SHANK1: variants seen among roughly 807,000 people sequenced by gnomAD.
SHANK1 encodes SH3 and multiple ankyrin repeat domains 1.
A neutral mutation model predicts 165.6 loss-of-function variants in SHANK1; 35 were observed. That is an observed-to-expected ratio of 0.21 (90% CI 0.16 to 0.28). The LOEUF (loss-of-function observed/expected upper bound fraction) is 0.28. Among genes scored for constraint, SHANK1 ranks in the 10% least tolerant of loss-of-function variants. SHANK1 has a pLI of 1.00. For synonymous variants in SHANK1, 1,428 were observed against 1,384.8 expected, an observed-to-expected ratio of 1.03 and a Z score of -0.69; for missense variants, 2,681 against 3,036.4, an observed-to-expected ratio of 0.88 and a Z score of 2.75.
intron 21 of SHANK1, among the ~76,000 whole-genome samples, chr19:50,681,262 T>C (rs1029434832): frequency 6.6e-6 from 1 of 151,624 alleles, no homozygotes; most frequent in Admixed American, 6.6e-5. Flanking sequence ...GCCTCCGACA[T>C]GAGAGGGGGA....
rs531041397 is a variant in SHANK1, at chr19:50,716,143, G to T, written c.459+132C>A. ...CAGGACTCTCTGACTTCCCTGTGAT[G>T]CTTAGAAGGTCTGGACTCGCACACT... is the stretch of plus-strand genomic sequence containing the variant. On this transcript the variant is annotated intron_variant, in intron 3 of 23. Coordinates refer to ENST00000293441, the MANE Select transcript of SHANK1 (RefSeq NM_016148.5). The surrounding 1 kb of genome is among the most constrained non-coding windows in gnomAD (Gnocchi z 8.4). The T allele has an allele frequency of 2.4e-6, 2 of 818,202 alleles. No individual in the cohort carries two copies. Among genetic ancestry groups the T allele is most frequent in the African/African-American group, 3.4e-5 (2 of 58,854 alleles). The allele number at this position is 818,202 out of a possible 1,614,324, so 50.7% of individuals were successfully genotyped here. A position where few individuals can be genotyped will look rare whatever the true frequency, so the allele number is the denominator to read the frequency against.
rs144313163 is a variant in SHANK1, at chr19:50,704,874, C to T, written c.1078-360G>A. The stretch of plus-strand genomic sequence containing the variant: ...GACCAGCCTGGGTGACATAGTGAGA[C>T]GCCCCCCGTCTCTACAAAAAAATAA... On this transcript the variant is annotated intron_variant, in intron 8 of 23. Coordinates refer to ENST00000293441, the MANE Select transcript of SHANK1 (RefSeq NM_016148.5). Among the ~76,000 whole-genome samples the T allele has an allele frequency of 9.2e-5, 14 of 151,730 alleles. 1 individual carries two copies. Among genetic ancestry groups the T allele is most frequent in the Middle Eastern group, 3.5e-3 (1 of 288 alleles).
chr19:50,669,018 C>T lies in SHANK1; in HGVS notation c.2942G>A (p.Gly981Glu). ...GTGGTACAGGCTCTTCTCGCGGCTC[C>T]CCACGCGAGTGTCGGGAGGGGAGGG... ...DGPSPPDTRV[G>E]SREKSLYHSG... Residue 981 changes from glycine (G) to glutamate (E), a missense_variant, in exon 23 of 24, where the codon GGG (glycine) becomes GAG (glutamate). Gly to Glu is a moderately conservative substitution (Grantham distance 98, BLOSUM62 -2). Around this residue, in one of 10 missense-constraint regions of SHANK1, gnomAD observed 1,713 missense variants for 1,630.2 expected, o/e 1.05. Coordinates refer to ENST00000293441, the MANE Select transcript of SHANK1 (RefSeq NM_016148.5). The T allele has an allele frequency of 2.4e-6, 2 of 850,052 alleles. No homozygotes were observed. Among genetic ancestry groups the T allele is most frequent in the South Asian group, 1.8e-5 (1 of 56,166 alleles). 52.7% of individuals were successfully genotyped at this position (850,052 alleles called of 1,614,324 possible). A position where few individuals can be genotyped will look rare whatever the true frequency, so the allele number is the denominator to read the frequency against.
At chr19:50,680,278 G>C (rs1383067032) in intron 21 of SHANK1, among the ~76,000 whole-genome samples, 3 of 152,100 alleles carry the variant, frequency 2.0e-5, no homozygotes, top group Non-Finnish European at 4.4e-5. Context: ...TGGGAAGCAG[G>C]AAGAGCCCAG....
In SHANK1 at chr19:50,667,517, G is replaced by A. The variant is rs536205180; in HGVS notation, c.4443C>T (p.Ala1481=). The part of the protein sequence containing the change: ...PGVSKPWRSA[A]PEEPERLPLH... Reference sequence around the variant, plus strand: ...GCGGCAGCCGCTCGGGTTCTTCGGGGGCTGCGGACCTCCAGGGCTTGCTTA... The same window carrying A: ...GCGGCAGCCGCTCGGGTTCTTCGGGAGCTGCGGACCTCCAGGGCTTGCTTA... The change falls in exon 23 of 24, where the codon GCC becomes GCT. Residue 1481 remains alanine, a synonymous_variant. Coordinates refer to ENST00000293441, the MANE Select transcript of SHANK1 (RefSeq NM_016148.5). This position sits in a 1 kb window ranked among gnomAD's most constrained non-coding sequence, Gnocchi z 5.7. 428 of 1,519,802 alleles carry A rather than the reference G, an allele frequency of 2.8e-4. 10 individuals carry two copies. In the South Asian group the frequency reaches 5.2e-3, roughly 19 times the overall value. The allele number at this position is 1,519,802 out of a possible 1,614,324, so 94.1% of individuals were successfully genotyped here.
In SHANK1 at chr19:50,719,738, C is replaced by G. The variant is rs891083807; in HGVS notation, c.-376G>C. 1.3e-5 allele frequency among the ~76,000 whole-genome samples: 2 copies of G among 151,052 alleles called. No homozygotes were observed. The highest frequency in any genetic ancestry group is 3.0e-5 in the Non-Finnish European group (2 of 67,462). Reference sequence around the variant, plus strand: ...TTCCTCCTCCTCTTCCTCGGGCCGCCGCCGCCGCCGCCCGCTCCGCGCCTC... The same window carrying G: ...TTCCTCCTCCTCTTCCTCGGGCCGCGGCCGCCGCCGCCCGCTCCGCGCCTC... On this transcript the variant is annotated 5_prime_UTR_variant, in exon 1 of 24. Coordinates refer to ENST00000293441, the MANE Select transcript of SHANK1 (RefSeq NM_016148.5).
rs750717520 is a variant in SHANK1, at chr19:50,669,281, C to A, written c.2679G>T (p.Ala893=). 11 of 1,607,218 alleles carry A rather than the reference C, an allele frequency of 6.8e-6. No homozygotes were observed. The highest frequency in any genetic ancestry group is 9.3e-6 in the Non-Finnish European group (11 of 1,176,914). Residue 893 remains alanine (A), a synonymous_variant, in exon 23 of 24, where the codon GCG becomes GCT. Transcript: ENST00000293441. ...GLMLRQKSIG[A]AEDDRPYLAP... is the part of the protein sequence containing the mutation. ...CTAGGTAAGGTCTGTCATCTTCTGC[C>A]GCACCTGGGGAGATACAGAGGCTCA...
At chr19:50,712,253 C>T (rs1568445421) in intron 6 of SHANK1, 139 bp from the exon 7 acceptor site, 1 of 849,740 alleles carries the variant, frequency 1.2e-6, no homozygotes, top group East Asian at 2.8e-5. Flanking sequence ...TGCCGTGATG[C>T]CCTTGTGCAA....
At position 50,718,054 on chromosome 19, in the gene SHANK1, C is replaced by T. The variant is rs1373880850; in HGVS notation, c.-43-1092G>A. Among the ~76,000 whole-genome samples, 2 of 152,216 alleles carry T rather than the reference C, an allele frequency of 1.3e-5. No individual in the cohort carries two copies. The highest frequency in any genetic ancestry group is 2.1e-4 in the South Asian group (1 of 4,824). On this transcript the variant is annotated intron_variant, in intron 1 of 23. Transcript: ENST00000293441. This position sits in a 1 kb window ranked among gnomAD's most constrained non-coding sequence, Gnocchi z 5.1. ...TGGTCCCTCCCCCCAACACCAGGCC[C>T]GGTTCCTGCACCGTTGCCATGGAGA...
intron 12 of SHANK1, among the ~76,000 whole-genome samples, chr19:50,701,775 C>T (rs1474590257): frequency 6.6e-6 from 1 of 152,142 alleles, no homozygotes; most frequent in African/African-American, 2.4e-5. Flanking sequence ...ACCTGCGGCA[C>T]GTGGTGGTCT....
At chr19:50,664,215 T>C (rs1377280729) in intron 23 of SHANK1, among the ~76,000 whole-genome samples, 1 of 151,828 alleles carries the variant, frequency 6.6e-6, no homozygotes, top group East Asian at 1.9e-4. Flanking sequence ...CACATTTGGA[T>C]AGCAGACCTT....
At position 50,662,368 on chromosome 19, in the gene SHANK1, A is replaced by G. The variant is rs1279565122; in HGVS notation, c.6083T>C (p.Leu2028Pro). ...ACGGATGTCAAAGAGGCCTGGGTAG[A>G]GGGGTCCGGAAGGCAGGATGGGCAG... ...SSLPILPSGP[L>P]YPGLFDIRGS... The change falls in exon 24 of 24, where the codon CTC (leucine) becomes CCC (proline). Residue 2028 changes from leucine to proline, a missense_variant. Transcript: ENST00000293441. This position sits in a 1 kb window ranked among gnomAD's most constrained non-coding sequence, Gnocchi z 7.7. The G allele has an allele frequency of 3.1e-6, 5 of 1,587,660 alleles. No individual in the cohort carries two copies. Among genetic ancestry groups the G allele is most frequent in the Non-Finnish European group, 4.3e-6 (5 of 1,165,412 alleles).
rs766450331 is a variant in SHANK1 at position 50,686,807 on chromosome 19, C to T, written c.2395G>A (p.Glu799Lys). 9.3e-6 allele frequency: 15 copies of T among 1,613,758 alleles called. No individual in the cohort carries two copies. Among genetic ancestry groups the T allele is most frequent in the Non-Finnish European group, 1.2e-5 (14 of 1,179,770 alleles). The change falls in exon 20 of 24, where the codon GAG becomes AAG. Residue 799 changes from glutamate to lysine, a missense_variant. By Grantham distance (56) the Glu-to-Lys change is moderately conservative. Coordinates refer to ENST00000293441, the MANE Select transcript of SHANK1 (RefSeq NM_016148.5). This position sits in a 1 kb window ranked among gnomAD's most constrained non-coding sequence, Gnocchi z 5.7. The part of the protein sequence containing the change: ...MTSELEEMEY[E>K]QQPAPVPSME... Reference sequence around the variant, plus strand: ...CTGGGCACCGGCGCCGGCTGCTGCTCGTACTCTGTGGGCAAAGAACACGGA... The same window carrying T: ...CTGGGCACCGGCGCCGGCTGCTGCTTGTACTCTGTGGGCAAAGAACACGGA...
chr19:50,716,636 C>T lies in SHANK1; in HGVS notation c.255+29G>A. 1 of 1,551,568 alleles carries T rather than the reference C, an allele frequency of 6.4e-7. No individual in the cohort carries two copies. Among genetic ancestry groups the T allele is most frequent in the Non-Finnish European group, 8.7e-7 (1 of 1,146,456 alleles). On this transcript the variant is annotated intron_variant, in intron 2 of 23. Coordinates refer to ENST00000293441, the MANE Select transcript of SHANK1 (RefSeq NM_016148.5). The surrounding 1 kb of genome is among the most constrained non-coding windows in gnomAD (Gnocchi z 8.4). The stretch of plus-strand genomic sequence containing the variant: ...TGTCGGTTGGGGCACTGTCCCTCTC[C>T]TGCCGCTGGCCAGTGGGCAGGTACT...
rs976742132 is a variant in SHANK1 at position 50,713,220 on chromosome 19, G to A, written c.792+578C>T. 6.6e-6 allele frequency among the ~76,000 whole-genome samples: 1 copy of A among 152,180 alleles called. No individual in the cohort carries two copies. Among genetic ancestry groups the A allele is most frequent in the Non-Finnish European group, 1.5e-5 (1 of 68,030 alleles). On this transcript the variant is annotated intron_variant, in intron 6 of 23. Transcript: ENST00000293441. The surrounding 1 kb of genome is among the most constrained non-coding windows in gnomAD (Gnocchi z 6.2). ...AATCAGGTGTCCTGGCGGGGGCAGG[G>A]GGAGAAGAGTATTTTAAAATTAGAC...
At chr19:50,695,392 G>A (rs1013756397) in intron 15 of SHANK1, among the ~76,000 whole-genome samples, 3 of 148,020 alleles carry the variant, frequency 2.0e-5, no homozygotes, top group Non-Finnish European at 4.5e-5. Flanking sequence ...TGCGCCGGGC[G>A]GCGGAGGGGG....
rs569926433 is a variant in SHANK1 at position 50,709,164 on chromosome 19, A to G, written c.1077+2207T>C. Among the ~76,000 whole-genome samples, 19 of 152,318 alleles carry G rather than the reference A, an allele frequency of 1.2e-4. No individual in the cohort carries two copies. In the East Asian group the frequency reaches 2.7e-3, roughly 22 times the overall value. On this transcript the variant is annotated intron_variant, in intron 8 of 23. Coordinates refer to ENST00000293441, the MANE Select transcript of SHANK1 (RefSeq NM_016148.5). ...TTATTTATTTATTTTTTTGAGACGG[A>G]GTCTCGCTCTATCACCCAGGCTGGA...
rs868021743 is a variant in SHANK1 at position 50,660,797 on chromosome 19, G to T, written c.*1168C>A. On this transcript the variant is annotated 3_prime_UTR_variant, in exon 24 of 24. Transcript: ENST00000293441. ...AGAATCAAAAATGCAGAAGGGCAAA[G>T]ATTTCAAACAGAAAGGGGCAAGGGA... Among the ~76,000 whole-genome samples the T allele has an allele frequency of 6.8e-6, 1 of 147,054 alleles. No individual in the cohort carries two copies. The highest frequency in any genetic ancestry group is 2.6e-5 in the African/African-American group (1 of 38,844).
chr19:50,702,602 C>T lies in SHANK1; in HGVS notation c.1612G>A (p.Gly538Arg), dbSNP rs767210056. ...CTCCCGCGGCTGCCCAGGGAGCCCC[C>T]GGGGCCCCCTGAGCCCCCCGTGCCC... ...AGGTGGSGGP[G>R]GSLGSRGRRR... The change falls in exon 12 of 24, where the codon GGG becomes AGG. Residue 538 changes from glycine to arginine, a missense_variant. Around this residue, in one of 10 missense-constraint regions of SHANK1, gnomAD observed 195 missense variants for 186.2 expected, o/e 1.05. Transcript: ENST00000293441. This position sits in a 1 kb window ranked among gnomAD's most constrained non-coding sequence, Gnocchi z 5.3. 51 of 1,597,758 alleles carry T rather than the reference C, an allele frequency of 3.2e-5. 1 individual carries two copies. The highest frequency in any genetic ancestry group is 9.1e-5 in the East Asian group (4 of 44,188).
Sources: gnomAD v4.1 joint callset for allele counts (sites outside exome capture counted in the v4.1 genomes callset) on GRCh38, gnomAD v4.1.1 for gene constraint, gnomAD v4.1.1 regional missense constraint, Gnocchi (gnomAD v3.1) non-coding constraint, MANE v1.5 for transcripts, NCBI Gene and HGNC (gene_info 2026-07-23, HGNC 2026-07-21) for gene names.